SERHL2: variants seen among roughly 807,000 people sequenced by gnomAD.
The protein encoded by SERHL2 is serine hydrolase like 2.
A neutral mutation model predicts 25.5 loss-of-function variants in SERHL2; 29 were observed. The ratio of observed to expected loss-of-function variants is 1.14; its 90% CI spans 0.85 to 1.55. The LOEUF is 1.55. SERHL2 is among the 40% of genes most tolerant of loss of function. SERHL2 has a pLI of 0.00. For synonymous variants in SERHL2, 95 were observed against 103.5 expected (o/e 0.92, Z 0.50); for missense variants, 240 against 252.3 (o/e 0.95, Z 0.33).
At chr22:42,570,332 G>C (rs538806686) in intron 9 of SERHL2, among the ~76,000 whole-genome samples, 1 of 151,988 alleles carries the variant, frequency 6.6e-6, no homozygotes, top group Non-Finnish European at 1.5e-5. Flanking sequence ...CAGGAGAATC[G>C]CTTGAACCCA....
chr22:42,567,656 G>A (rs1234044789), intron 9 of SERHL2, among the ~76,000 whole-genome samples: 2 of 150,558 alleles, frequency 1.3e-5, no homozygotes, highest in African/African-American at 4.9e-5. Context: ...GGGCGACAGA[G>A]CGAGACTCCA....
intron 9 of SERHL2, among the ~76,000 whole-genome samples, chr22:42,567,632 T>C (rs190559724): frequency 0.011 from 1,618 of 151,326 alleles, 26 homozygotes; most frequent in African/African-American, 0.038. Context: ...CCACTGCAGT[T>C]CGCAGTCCGG....
At chr22:42,564,967 CGT>C (rs58587401) in intron 8 of SERHL2, 21,459 of 149,796 alleles carry the variant, frequency 0.14, 2,756 homozygotes, top group East Asian at 0.59. Context: ...TCGGCGCGCG[CGT>C]GTGTGTGTGT....
intron 8 of SERHL2, among the ~76,000 whole-genome samples, chr22:42,562,365 C>G (rs1422541556): frequency 6.6e-6 from 1 of 151,914 alleles, no homozygotes; most frequent in Non-Finnish European, 1.5e-5. Context: ...CATTCCCCCA[C>G]AGTTCCGGAG....
intron 6 of SERHL2, 180 bp downstream of exon 6, chr22:42,556,768 G>A: frequency 1.3e-6 from 1 of 798,332 alleles, no homozygotes; most frequent in South Asian, 1.9e-5. Flanking sequence ...TATACCCCTA[G>A]CAGTGGTCAG....
Position 42,554,043 on chromosome 22 carries a change from G to C in SERHL2, c.22+1G>C. The C allele has an allele frequency of 6.2e-7, 1 of 1,613,582 alleles. No individual in the cohort carries two copies. Among genetic ancestry groups the C allele is most frequent in the South Asian group, 1.1e-5 (1 of 91,032 alleles). On this transcript the variant is annotated splice_donor_variant, in intron 1 of 11. Coordinates refer to ENST00000327678, the MANE Select transcript of SERHL2 (RefSeq NM_014509.5). LOFTEE classifies it high-confidence loss of function. Reference sequence around the variant, plus strand: ...GCGATGAGTGAGAACGCCGCACCAGGTCTGACGGGGAGGCCTTGTGCGAGC... The same window carrying C: ...GCGATGAGTGAGAACGCCGCACCAGCTCTGACGGGGAGGCCTTGTGCGAGC...
chr22:42,560,738 C>A (rs1025126259), intron 8 of SERHL2, among the ~76,000 whole-genome samples: 2 of 151,740 alleles, frequency 1.3e-5, no homozygotes, highest in African/African-American at 2.4e-5. Context: ...TTTTTTCTTT[C>A]GTTCTTTTTT....
intron 9 of SERHL2, 142 bp downstream of exon 9, chr22:42,566,480 T>C: frequency 1.3e-6 from 1 of 748,884 alleles, no homozygotes; most frequent in South Asian, 1.6e-5. Flanking sequence ...ATCGCTTGAA[T>C]GGGAGGCAGA....
intron 9 of SERHL2, 74 bp from the exon 10 acceptor site, chr22:42,571,047 A>G: frequency 3.1e-6 from 5 of 1,606,168 alleles, no homozygotes; most frequent in Non-Finnish European, 4.3e-6. Flanking sequence ...AGCCACCCCA[A>G]CAGAGATGGG....
intron 10 of SERHL2, chr22:42,571,457 T>G (rs1480980302): frequency 6.0e-6 from 8 of 1,335,450 alleles, no homozygotes; most frequent in Middle Eastern, 2.9e-4. Context: ...GCGGGGGGCA[T>G]GCCCAGGTAA....
chr22:42,569,624 CCTCCT>C (rs1488197988), intron 9 of SERHL2: 1 of 151,890 alleles, frequency 6.6e-6, no homozygotes, highest in Admixed American at 6.6e-5. Flanking sequence ...CCAGGAAGCC[CCTCCT>C]GTGTGCAGGC....
At chr22:42,567,670 C>CAA (rs1010111429) in intron 9 of SERHL2, among the ~76,000 whole-genome samples, 1 of 131,628 alleles carries the variant, frequency 7.6e-6, no homozygotes, top group African/African-American at 2.9e-5. Context: ...GACTCCATGT[C>CAA]AAAAAAAAAA....
intron 9 of SERHL2, chr22:42,569,734 G>C (rs1459471682): frequency 6.6e-6 from 1 of 151,894 alleles, no homozygotes; most frequent in Non-Finnish European, 1.5e-5. Context: ...CTGTTTCAGG[G>C]AAGGCACTTC....
intron 10 of SERHL2, 89 bp downstream of exon 10, chr22:42,571,292 A>C (rs1924149933): frequency 6.3e-7 from 1 of 1,588,450 alleles, no homozygotes; most frequent in Non-Finnish European, 8.6e-7. Flanking sequence ...TGAGGCTCCA[A>C]GTTCTCTGCG....
chr22:42,572,782 A>G, intron 11 of SERHL2: 1 of 928,034 alleles, frequency 1.1e-6, no homozygotes. Context: ...CTCGTGCCTC[A>G]GCCTCCTGAG....
chr22:42,559,333 G>A (rs902016396), intron 7 of SERHL2, among the ~76,000 whole-genome samples: 10 of 150,762 alleles, frequency 6.6e-5, no homozygotes, highest in Non-Finnish European at 1.2e-4. Context: ...TTAGCCCCAG[G>A]AGGTCGAGGC....
intron 8 of SERHL2, among the ~76,000 whole-genome samples, chr22:42,564,466 T>G (rs1923078626): frequency 6.6e-6 from 1 of 151,534 alleles, no homozygotes; most frequent in Non-Finnish European, 1.5e-5. Context: ...GGTCTTGCTT[T>G]TGTCGTCCAA....
chr22:42,570,450 AT>A (rs1924010430), intron 9 of SERHL2, among the ~76,000 whole-genome samples: 1 of 150,082 alleles, frequency 6.7e-6, no homozygotes, highest in Non-Finnish European at 1.5e-5. Flanking sequence ...TTGTTCTCAT[AT>A]TTTAACATCC....
In SERHL2 at chr22:42,574,079, C is replaced by T; in HGVS notation, c.*24C>T. 1 of 1,607,844 alleles carries T rather than the reference C, an allele frequency of 6.2e-7. No individual in the cohort carries two copies. The highest frequency in any genetic ancestry group is 8.5e-7 in the Non-Finnish European group (1 of 1,175,006). ...AGCTCTGGGCCTGGAACTATGAAGACCTAGTGCTCCCAGACTCAACACTGG... is the reference window on the plus strand; with the variant it reads ...AGCTCTGGGCCTGGAACTATGAAGATCTAGTGCTCCCAGACTCAACACTGG... On this transcript the variant is annotated 3_prime_UTR_variant, in exon 12 of 12. Coordinates refer to ENST00000327678, the MANE Select transcript of SERHL2 (RefSeq NM_014509.5).
Sources: gnomAD v4.1 joint callset for allele counts (sites outside exome capture counted in the v4.1 genomes callset) on GRCh38, gnomAD v4.1.1 for gene constraint, MANE v1.5 for transcripts, NCBI Gene and HGNC (gene_info 2026-07-23, HGNC 2026-07-21) for gene names.